The following VGLL4 variants were observed in gnomAD, a reference collection of about 807,000 sequenced individuals.
The protein encoded by VGLL4 is vestigial like family member 4.
A neutral mutation model predicts 21.0 loss-of-function variants in VGLL4; 7 were observed. That is an observed-to-expected ratio of 0.33 (90% CI 0.19 to 0.63). The LOEUF (loss-of-function observed/expected upper bound fraction) is 0.63, where lower values mean the gene tolerates loss of function less well. VGLL4 is among the 20% of genes least tolerant of loss of function. The pLI is 0.78. For synonymous variants in VGLL4, 222 were observed against 173.2 expected (o/e 1.28, Z -2.21); for missense variants, 394 against 425.7 (o/e 0.93, Z 0.66).
chr3:11,586,036 A>C lies in VGLL4; in HGVS notation c.272+15797T>G, dbSNP rs529232882. On this transcript the variant is annotated intron_variant, in intron 2 of 4. Coordinates refer to ENST00000430365, the MANE Select transcript of VGLL4 (RefSeq NM_001128219.3). The stretch of plus-strand genomic sequence containing the variant: ...AACCCTTCCCCCTGCAAAGTGGGAC[A>C]ACTCCTAGATTAAAGATTGCTAGAA... Among the ~76,000 whole-genome samples, 645 of 152,280 alleles carry C rather than the reference A, an allele frequency of 4.2e-3. 1 individual carries two copies. The highest frequency in any genetic ancestry group is 7.3e-3 in the Non-Finnish European group (496 of 68,014).
In VGLL4 at chr3:11,564,866, G is replaced by T. The variant is rs777446964; in HGVS notation, c.426C>A (p.Thr142=). The part of the protein sequence containing the change: ...SLGLEQPLAL[T]KNSLDASRPA... ...GCCTGCTGGCGTCCAGGCTGTTCTT[G>T]GTCAGTGCGAGGGGCTGCTCCAGGC... is the stretch of plus-strand genomic sequence containing the variant. The change falls in exon 3 of 5, where the codon ACC becomes ACA. Residue 142 remains threonine (T), a synonymous_variant. Transcript: ENST00000430365. 6.2e-7 allele frequency: 1 copy of T among 1,609,286 alleles called. No individual in the cohort carries two copies. The highest frequency in any genetic ancestry group is 1.7e-5 in the Admixed American group (1 of 59,686).
At chr3:11,625,720 T>G (rs2075340622) in intron 1 of VGLL4, among the ~76,000 whole-genome samples, 1 of 151,334 alleles carries the variant, frequency 6.6e-6, no homozygotes, top group Admixed American at 6.6e-5. Context: ...TAAAAACATT[T>G]TTTTTTTTTG....
chr3:11,637,571 C>T (rs2075612355), intron 1 of VGLL4, among the ~76,000 whole-genome samples: 1 of 152,192 alleles, frequency 6.6e-6, no homozygotes, highest in Admixed American at 6.5e-5. Context: ...ATTCTTTCAA[C>T]TAGTCATGAT....
At chr3:11,592,092 C>T (rs1335756246) in intron 2 of VGLL4, among the ~76,000 whole-genome samples, 6 of 152,150 alleles carry the variant, frequency 3.9e-5, no homozygotes, top group Admixed American at 6.5e-5. Flanking sequence ...GCCAAGGAGG[C>T]GTGGCAGAAA....
intron 1 of VGLL4, among the ~76,000 whole-genome samples, chr3:11,708,462 G>A (rs999191823): frequency 4.6e-5 from 7 of 152,204 alleles, no homozygotes; most frequent in African/African-American, 1.4e-4. Context: ...TGTGGGGGGC[G>A]GCCAGGGTGG....
chr3:11,576,985 T>G (rs1388614346), intron 2 of VGLL4, among the ~76,000 whole-genome samples: 2 of 152,220 alleles, frequency 1.3e-5, no homozygotes. Context: ...CACAACTATT[T>G]TATGAATGAG....
chr3:11,633,278 A>G (rs1343999050), intron 1 of VGLL4: 1 of 152,326 alleles, frequency 6.6e-6, no homozygotes, highest in African/African-American at 2.4e-5. Flanking sequence ...AAATTAGAGT[A>G]AGCCAGACAG....
At chr3:11,704,678 T>C (rs550311519) in intron 1 of VGLL4, among the ~76,000 whole-genome samples, 29 of 152,158 alleles carry the variant, frequency 1.9e-4, no homozygotes, top group African/African-American at 6.3e-4. Context: ...AAGCCTGGAG[T>C]AAACCAAGCT....
At position 11,604,297 on chromosome 3, in the gene VGLL4, T is replaced by C. The variant is rs58478554; in HGVS notation, c.83-2275A>G. On this transcript the variant is annotated intron_variant, in intron 1 of 4. Coordinates refer to ENST00000430365, the MANE Select transcript of VGLL4 (RefSeq NM_001128219.3). ...TGCCTCATTTGATGGATGACGAAGCTGTGCCCCAAAACATAGCGTGACTTA... is the reference window on the plus strand; with the variant it reads ...TGCCTCATTTGATGGATGACGAAGCCGTGCCCCAAAACATAGCGTGACTTA... 2.5e-3 allele frequency: 1,929 copies of C among 767,234 alleles called. 217 individuals are homozygous for C. The African/African-American group carries it at 0.048, about 19-fold the overall frequency. The allele number at this position is 767,234 out of a possible 1,614,324, so 47.5% of individuals were successfully genotyped here. A position where few individuals can be genotyped will look rare whatever the true frequency, so the allele number is the denominator to read the frequency against.
intron 2 of VGLL4, among the ~76,000 whole-genome samples, chr3:11,702,455 CAAAAAAAAAAAA>C (rs56189603): frequency 1.0e-5 from 1 of 96,170 alleles, no homozygotes; most frequent in South Asian, 3.7e-4. Flanking sequence ...ACTAAAAATA[CAAAAAAAAAAAA>C]AAAAAAAAAA....
chr3:11,714,290 G>A (rs6801513), intron 1 of VGLL4, among the ~76,000 whole-genome samples: 8,127 of 152,148 alleles, frequency 0.053, 656 homozygotes, highest in African/African-American at 0.16. Context: ...CTATATGGTG[G>A]GCCCACACTG....
At chr3:11,635,741 G>A (rs1359532106) in intron 1 of VGLL4, among the ~76,000 whole-genome samples, 2 of 152,158 alleles carry the variant, frequency 1.3e-5, no homozygotes, top group Non-Finnish European at 2.9e-5. Context: ...TAACTGCTCC[G>A]AATTTTGAAT....
intron 1 of VGLL4, among the ~76,000 whole-genome samples, chr3:11,631,731 GA>G (rs968059144): frequency 6.6e-4 from 101 of 152,194 alleles, no homozygotes; most frequent in African/African-American, 2.3e-3. Context: ...AACATGGGGG[GA>G]AAAATTTACA....
intron 2 of VGLL4, among the ~76,000 whole-genome samples, chr3:11,670,865 C>T (rs546987974): frequency 2.4e-4 from 36 of 152,224 alleles, no homozygotes; most frequent in Middle Eastern, 3.4e-3. Flanking sequence ...TGATGAAACC[C>T]CACCTCTACT....
At chr3:11,668,390 TCTC>T (rs1216427071) in intron 2 of VGLL4, among the ~76,000 whole-genome samples, 4 of 152,056 alleles carry the variant, frequency 2.6e-5, no homozygotes, top group Non-Finnish European at 5.9e-5. Flanking sequence ...TCCAATCCCT[TCTC>T]CTTGCTACTA....
At chr3:11,697,915 C>T (rs2076627035) in intron 2 of VGLL4, among the ~76,000 whole-genome samples, 1 of 152,348 alleles carries the variant, frequency 6.6e-6, no homozygotes, top group Non-Finnish European at 1.5e-5. Context: ...GTCCTTGCCA[C>T]ATCACTCACA....
chr3:11,643,729 CTGGT>C lies in VGLL4; in HGVS notation c.-215_-212del. Reference sequence around the variant, plus strand: ...TCACACGAAACCCTTCAAGGGCTTACTGGTAGACGGTGTATGTACTGTATCCCCG... The same window carrying C: ...TCACACGAAACCCTTCAAGGGCTTACAGACGGTGTATGTACTGTATCCCCG... On this transcript the variant is annotated 5_prime_UTR_variant, in exon 1 of 5. Transcript: ENST00000430365. 1 of 1,397,114 alleles carries C rather than the reference CTGGT, an allele frequency of 7.2e-7. No homozygotes were observed. Among genetic ancestry groups the C allele is most frequent in the Non-Finnish European group, 9.3e-7 (1 of 1,078,680 alleles). The allele number at this position is 1,397,114 out of a possible 1,614,324, so 86.5% of individuals were successfully genotyped here.
In VGLL4 at chr3:11,558,477, T is replaced by C; in HGVS notation, c.*79A>G. On this transcript the variant is annotated 3_prime_UTR_variant, in exon 5 of 5. Transcript: ENST00000430365. ...CTTCCCCCCACCCCACCCCCATGAT[T>C]TTTTTTTTTTTAAGTACTGACTGTT... 7.4e-7 allele frequency: 1 copy of C among 1,350,832 alleles called. No individual in the cohort carries two copies. The highest frequency in any genetic ancestry group is 9.8e-7 in the Non-Finnish European group (1 of 1,020,830). The allele number at this position is 1,350,832 out of a possible 1,614,324, so 83.7% of individuals were successfully genotyped here. A position where few individuals can be genotyped will look rare whatever the true frequency, so the allele number is the denominator to read the frequency against.
At chr3:11,569,592 G>GT (rs952229647) in intron 2 of VGLL4, among the ~76,000 whole-genome samples, 6 of 152,274 alleles carry the variant, frequency 3.9e-5, no homozygotes, top group Admixed American at 3.3e-4. Context: ...CACAGGGCCA[G>GT]TGAGTGGGCC....
Sources: allele counts gnomAD v4.1 joint callset (sites outside exome capture counted in the v4.1 genomes callset), GRCh38; gene constraint gnomAD v4.1.1; transcripts MANE v1.5; gene names NCBI Gene and HGNC (gene_info 2026-07-23, HGNC 2026-07-21).